Variants in PHF2 observed in about 807,000 individuals in gnomAD.
The protein encoded by PHF2 is lysine-specific demethylase PHF2.
PHF2 carries 27 observed loss-of-function variants against 120.5 expected under a neutral mutation model. The observed-to-expected ratio is 0.22, with a 90% confidence interval of 0.17 to 0.31. The LOEUF is 0.31. PHF2 is among the 10% of genes least tolerant of loss of function. The pLI is 1.00. For missense variants in PHF2, 1,024 were observed against 1,434.8 expected (o/e 0.71, Z 4.63); for synonymous variants, 568 against 592.5 (o/e 0.96, Z 0.60).
In PHF2 at chr9:93,583,150, G is replaced by A. The variant is rs146781052; in HGVS notation, c.98+6279G>A. 6.5e-3 allele frequency among the ~76,000 whole-genome samples: 986 copies of A among 152,228 alleles called. 5 individuals carry two copies. Among genetic ancestry groups the A allele is most frequent in the Middle Eastern group, 0.017 (5 of 294 alleles). On this transcript the variant is annotated intron_variant, in intron 1 of 21. Coordinates refer to ENST00000359246, the MANE Select transcript of PHF2 (RefSeq NM_005392.4). ...ATTCTGGATATTTACTATTTCATAC[G>A]AATAGAATCATACAATATGTAACTT...
intron 17 of PHF2, chr9:93,672,846 G>A (rs181122073): frequency 5.1e-4 from 502 of 978,060 alleles, no homozygotes; most frequent in South Asian, 1.6e-3. Flanking sequence ...GTAGATGCAG[G>A]TGCAGGGGTG....
intron 17 of PHF2, among the ~76,000 whole-genome samples, chr9:93,670,630 G>C (rs1472190544): frequency 6.6e-6 from 1 of 152,194 alleles, no homozygotes; most frequent in African/African-American, 2.4e-5. Context: ...TCCCCAAGGA[G>C]CCCAGGACTT....
intron 1 of PHF2, among the ~76,000 whole-genome samples, chr9:93,614,976 G>A (rs778400030): frequency 1.5e-4 from 23 of 151,570 alleles, no homozygotes; most frequent in Middle Eastern, 6.8e-3. Context: ...TAGTGATGAC[G>A]GTAATGGTGA....
At position 93,656,261 on chromosome 9, in the gene PHF2, G is replaced by GTGGGGT. The variant is rs1021006014; in HGVS notation, c.1041-219_1041-214dup. ...TGCTGGATGGTTGTAGTTGCCCTTG[G>GTGGGGT]TGGGGTTGGGGTTGCTTAAAAGGCT... On this transcript the variant is annotated intron_variant, in intron 8 of 21. Coordinates refer to ENST00000359246, the MANE Select transcript of PHF2 (RefSeq NM_005392.4). This position sits in a 1 kb window ranked among gnomAD's most constrained non-coding sequence, Gnocchi z 4.1. 2.0e-5 allele frequency among the ~76,000 whole-genome samples: 3 copies of GTGGGGT among 152,090 alleles called. No homozygotes were observed. The highest frequency in any genetic ancestry group is 7.2e-5 in the African/African-American group (3 of 41,410).
At position 93,659,497 on chromosome 9, in the gene PHF2, C is replaced by T. The variant is rs201365575; in HGVS notation, c.1240-14C>T. On this transcript the variant is annotated splice_polypyrimidine_tract_variant and intron_variant, in intron 10 of 21. Coordinates refer to ENST00000359246, the MANE Select transcript of PHF2 (RefSeq NM_005392.4). Reference sequence around the variant, plus strand: ...AGGTGTCTGGTGCTGACCCTGGGTCCGGTTGTCCTGCAGGCTTTGGCAGAG... The same window carrying T: ...AGGTGTCTGGTGCTGACCCTGGGTCTGGTTGTCCTGCAGGCTTTGGCAGAG... 222 of 1,611,896 alleles carry T rather than the reference C, an allele frequency of 1.4e-4. No individual in the cohort carries two copies. Among genetic ancestry groups the T allele is most frequent in the Non-Finnish European group, 1.8e-4 (213 of 1,178,252 alleles).
Position 93,601,492 on chromosome 9 carries a change from TAA to T in PHF2, c.98+24624_98+24625del, listed in dbSNP as rs544672614. Among the ~76,000 whole-genome samples the T allele has an allele frequency of 3.6e-4, 55 of 152,144 alleles. 1 individual carries two copies. In the East Asian group the frequency reaches 0.01, roughly 28 times the overall value. ...CCCTTCAGTGTCTTTATTTGATAAATAAAAGAGGAGGAATTAGCCAGTGGTGG... is the reference window on the plus strand; with the variant it reads ...CCCTTCAGTGTCTTTATTTGATAAATAAGAGGAGGAATTAGCCAGTGGTGG... On this transcript the variant is annotated intron_variant, in intron 1 of 21. Transcript: ENST00000359246.
intron 3 of PHF2, among the ~76,000 whole-genome samples, chr9:93,637,918 G>T (rs80228675): frequency 6.6e-6 from 1 of 152,098 alleles, no homozygotes; most frequent in African/African-American, 2.4e-5. Context: ...TGAGGGTCTC[G>T]ATTTCTTCAC....
intron 1 of PHF2, among the ~76,000 whole-genome samples, chr9:93,624,662 G>A (rs1241510960): frequency 7.5e-6 from 1 of 133,378 alleles, no homozygotes; most frequent in African/African-American, 2.9e-5. Context: ...TGATGGTGTT[G>A]GTGGTGATGG....
At chr9:93,645,065 G>T (rs1229595803) in intron 3 of PHF2, among the ~76,000 whole-genome samples, 1 of 152,166 alleles carries the variant, frequency 6.6e-6, no homozygotes, top group Non-Finnish European at 1.5e-5. Flanking sequence ...GTGGGGACAG[G>T]CTAGGCAGGG....
Position 93,609,496 on chromosome 9 carries a change from CTT to C in PHF2, c.99-20472_99-20471del, listed in dbSNP as rs2131625427. On this transcript the variant is annotated intron_variant, in intron 1 of 21. Coordinates refer to ENST00000359246, the MANE Select transcript of PHF2 (RefSeq NM_005392.4). ...TCTGAACTGTTGTTTGTCTGATAGA[CTT>C]TATTTCTCCTTCACTTTTGACGGAT... Among the ~76,000 whole-genome samples, 2 of 150,738 alleles carry C rather than the reference CTT, an allele frequency of 1.3e-5. 1 individual carries two copies. Among genetic ancestry groups the C allele is most frequent in the South Asian group, 4.2e-4 (2 of 4,788 alleles).
rs771947179 is a variant in PHF2, at chr9:93,660,515, C to A, written c.1653C>A (p.His551Gln). The A allele has an allele frequency of 6.3e-7, 1 of 1,598,776 alleles. No homozygotes were observed. Among genetic ancestry groups the A allele is most frequent in the Non-Finnish European group, 8.5e-7 (1 of 1,174,194 alleles). The change falls in exon 12 of 22, where the codon CAC becomes CAA. Residue 551 changes from histidine to glutamine, a missense_variant. By Grantham distance (24) the His-to-Gln change is conservative. Around this residue, in one of 2 missense-constraint regions of PHF2, gnomAD observed 677 missense variants for 857.4 expected, o/e 0.79. Transcript: ENST00000359246. ...CCAACCTGGACCTGCTCGAAGCCCA[C>A]ACCAAGGAGGCACTGACCAAGATGG... The part of the protein sequence containing the change: ...TIPNLDLLEA[H>Q]TKEALTKMEP...
chr9:93,621,601 G>A (rs892235737), intron 1 of PHF2, among the ~76,000 whole-genome samples: 5 of 152,210 alleles, frequency 3.3e-5, no homozygotes, highest in African/African-American at 7.2e-5. Flanking sequence ...CCACACAGGT[G>A]GGCACGTTAT....
intron 5 of PHF2, among the ~76,000 whole-genome samples, chr9:93,650,792 C>T (rs1358099616): frequency 6.6e-6 from 1 of 152,216 alleles, no homozygotes; most frequent in Non-Finnish European, 1.5e-5. Flanking sequence ...ATCCAGAACA[C>T]TCACTCACCG....
chr9:93,655,416 G>A (rs1826441991), intron 7 of PHF2, among the ~76,000 whole-genome samples: 1 of 152,124 alleles, frequency 6.6e-6, no homozygotes, highest in African/African-American at 2.4e-5. Flanking sequence ...ATTTAGGAAA[G>A]AGTTGTGGAT....
chr9:93,633,681 G>C (rs369574049), intron 2 of PHF2, among the ~76,000 whole-genome samples: 13 of 152,344 alleles, frequency 8.5e-5, no homozygotes, highest in Admixed American at 1.3e-4. Context: ...TGCTTCATCT[G>C]TGAAGTGAGG....
intron 12 of PHF2, among the ~76,000 whole-genome samples, chr9:93,660,895 G>A (rs893263740): frequency 1.3e-5 from 2 of 152,204 alleles, no homozygotes; most frequent in African/African-American, 4.8e-5. Flanking sequence ...GCACCCAAGA[G>A]GGCCACCTGG....
intron 3 of PHF2, 56 bp from the exon 4 acceptor site, chr9:93,645,573 T>C: frequency 1.3e-6 from 2 of 1,492,628 alleles, no homozygotes; most frequent in South Asian, 1.3e-5. Flanking sequence ...TCCACACCTG[T>C]CCCGGTGCAG....
At chr9:93,672,612 G>T (rs1826826121) in intron 17 of PHF2, 1 of 981,636 alleles carries the variant, frequency 1.0e-6, no homozygotes, top group Admixed American at 6.3e-5. Context: ...GTGGGTATGG[G>T]TGTAGGCACA....
intron 1 of PHF2, among the ~76,000 whole-genome samples, chr9:93,625,448 A>G (rs1417564219): frequency 1.3e-5 from 2 of 148,818 alleles, no homozygotes; most frequent in East Asian, 2.0e-4. Flanking sequence ...ACATTTATGT[A>G]CAAGGATTTG....
Sources: gnomAD v4.1 joint callset for allele counts (sites outside exome capture counted in the v4.1 genomes callset) on GRCh38, gnomAD v4.1.1 for gene constraint, gnomAD v4.1.1 regional missense constraint, Gnocchi (gnomAD v3.1) non-coding constraint, MANE v1.5 for transcripts, NCBI Gene and HGNC (gene_info 2026-07-23, HGNC 2026-07-21) for gene names.